Variants in USP24 observed in about 807,000 individuals in gnomAD.
USP24 encodes the protein ubiquitin specific peptidase 24, also known as ubiquitin carboxyl-terminal hydrolase 24.
USP24 carries 97 observed loss-of-function variants against 361.6 expected under a neutral mutation model. The observed-to-expected ratio is 0.27, with a 90% CI of 0.23 to 0.32. USP24 has a LOEUF of 0.32. Among genes scored for constraint, USP24 ranks in the 10% least tolerant of loss-of-function variants. The probability of loss-of-function intolerance (pLI) is 1.00; values close to 1 mark genes in which losing one functional copy is unlikely to be tolerated. For missense variants in USP24, 2,353 were observed against 3,165.6 expected (o/e 0.74, Z 6.16); for synonymous variants, 1,098 against 1,124.6 (o/e 0.98, Z 0.47).
intron 28 of USP24, 109 bp downstream of exon 28, chr1:55,137,406 C>T: frequency 7.7e-7 from 1 of 1,307,182 alleles, no homozygotes; most frequent in South Asian, 1.7e-5. Flanking sequence ...ACACAACAAG[C>T]TTGAACACTA....
At chr1:55,143,875 CA>C (rs1381178341) in intron 21 of USP24, among the ~76,000 whole-genome samples, 1 of 152,076 alleles carries the variant, frequency 6.6e-6, no homozygotes, top group African/African-American at 2.4e-5. Flanking sequence ...GTCCCTAGAT[CA>C]GCCAGAAACA....
intron 67 of USP24, chr1:55,071,343 GT>G (rs903451927): frequency 3.4e-5 from 33 of 980,110 alleles, no homozygotes; most frequent in South Asian, 2.8e-4. Flanking sequence ...TATTAAAGCT[GT>G]TTTTTTTTCT....
chr1:55,092,810 T>G lies in USP24; in HGVS notation c.6450+11A>C. The stretch of plus-strand genomic sequence containing the variant: ...CCTTTCTTATTTCTAACAATCCAGT[T>G]AGTTACTTACAGCATTCAATGAAGC... On this transcript the variant is annotated intron_variant, in intron 53 of 67. Coordinates refer to ENST00000294383, the MANE Select transcript of USP24 (RefSeq NM_015306.3). 6.5e-7 allele frequency: 1 copy of G among 1,531,504 alleles called. No homozygotes were observed. The highest frequency in any genetic ancestry group is 8.9e-7 in the Non-Finnish European group (1 of 1,121,656). 94.9% of individuals were successfully genotyped at this position (1,531,504 alleles called of 1,614,324 possible). A position where few individuals can be genotyped will look rare whatever the true frequency, so the allele number is the denominator to read the frequency against.
intron 36 of USP24, among the ~76,000 whole-genome samples, chr1:55,122,463 G>A (rs185404810): frequency 4.6e-5 from 7 of 152,250 alleles, no homozygotes; most frequent in Admixed American, 1.3e-4. Context: ...GAACTGAGAA[G>A]CCACCGGAAG....
At chr1:55,166,105 T>A (rs1648824279) in intron 6 of USP24, among the ~76,000 whole-genome samples, 155 bp from the exon 7 acceptor site, 1 of 151,704 alleles carries the variant, frequency 6.6e-6, no homozygotes, top group Admixed American at 6.6e-5. Context: ...TCATGGAGAA[T>A]GGGGTTTCCA....
At chr1:55,192,518 C>T (rs1388169130) in intron 1 of USP24, among the ~76,000 whole-genome samples, 1 of 152,162 alleles carries the variant, frequency 6.6e-6, no homozygotes, top group Non-Finnish European at 1.5e-5. Flanking sequence ...TGATTTTAAA[C>T]AGATTTGTCT....
intron 16 of USP24, among the ~76,000 whole-genome samples, chr1:55,150,166 G>T (rs1314069830): frequency 6.6e-6 from 1 of 152,112 alleles, no homozygotes; most frequent in Non-Finnish European, 1.5e-5. Context: ...TCATCAACAT[G>T]CCTCAAAATT....
chr1:55,143,162 T>G, intron 21 of USP24, 43 bp from the exon 22 acceptor site: 2 of 1,374,278 alleles, frequency 1.5e-6, no homozygotes, highest in Non-Finnish European at 1.9e-6. Context: ...CATATCAAGA[T>G]CACAAAGTTA....
At chr1:55,169,838 T>C (rs1419653159) in intron 5 of USP24, among the ~76,000 whole-genome samples, 2 of 152,144 alleles carry the variant, frequency 1.3e-5, no homozygotes, top group Non-Finnish European at 2.9e-5. Flanking sequence ...CTATCAACTT[T>C]ACCGGGTAAA....
chr1:55,147,705 C>T lies in USP24; in HGVS notation c.2062G>A (p.Gly688Arg), dbSNP rs1457866291. The T allele has an allele frequency of 5.0e-6, 8 of 1,611,750 alleles. No homozygotes were observed. Among genetic ancestry groups the T allele is most frequent in the East Asian group, 4.5e-5 (2 of 44,668 alleles). ...ACHRLAAAVA[G>R]PGGLSGSTLV... ...GTCGAGCCACTTAAGCCTCCAGGCC[C>T]GGCCACAGCAGCTGCAAGCCGATGA... The change falls in exon 18 of 68, where the codon GGG becomes AGG. Residue 688 changes from glycine (G) to arginine (R), a missense_variant. Around this residue, in one of 8 missense-constraint regions of USP24, gnomAD observed 949 missense variants for 1,280.5 expected, o/e 0.74. Coordinates refer to ENST00000294383, the MANE Select transcript of USP24 (RefSeq NM_015306.3).
intron 1 of USP24, among the ~76,000 whole-genome samples, chr1:55,183,000 T>G (rs916422211): frequency 1.3e-5 from 2 of 152,146 alleles, no homozygotes; most frequent in African/African-American, 4.8e-5. Context: ...ATTACAGGTG[T>G]GAGCCACCGT....
rs189476237 is a variant in USP24 at position 55,193,922 on chromosome 1, T to G, written c.325-15790A>C. Among the ~76,000 whole-genome samples the G allele has an allele frequency of 3.9e-5, 6 of 152,250 alleles. No homozygotes were observed. The East Asian group carries it at 1.2e-3, about 29-fold the overall frequency. On this transcript the variant is annotated intron_variant, in intron 1 of 67. Transcript: ENST00000294383. ...ATGCGTTCAGACTGAAATAAAAATT[T>G]AAGTCAAGGTTTCTCCAAATCTCAG...
At chr1:55,083,657 T>C in intron 57 of USP24, 115 bp downstream of exon 57, 1 of 828,176 alleles carries the variant, frequency 1.2e-6, no homozygotes, top group Non-Finnish European at 1.9e-6. Flanking sequence ...ACAAGATTTT[T>C]AGGAAGAAAC....
chr1:55,140,501 A>T (rs1483675917), intron 24 of USP24, among the ~76,000 whole-genome samples: 1 of 152,210 alleles, frequency 6.6e-6, no homozygotes, highest in Non-Finnish European at 1.5e-5. Context: ...CCATTTAAAA[A>T]AGAAGTCTGA....
chr1:55,105,381 T>C (rs1237951608), intron 41 of USP24, among the ~76,000 whole-genome samples: 1 of 152,188 alleles, frequency 6.6e-6, no homozygotes, highest in Non-Finnish European at 1.5e-5. Context: ...TAGAGAAATA[T>C]TTATATGTGA....
Position 55,132,833 on chromosome 1 carries a change from A to C in USP24, c.3382-133T>G, listed in dbSNP as rs142669279. 7.1e-5 allele frequency: 60 copies of C among 840,384 alleles called. No individual in the cohort carries two copies. The East Asian group carries it at 1.2e-3, about 17-fold the overall frequency. The allele number at this position is 840,384 out of a possible 1,614,324, so 52.1% of individuals were successfully genotyped here. A position where few individuals can be genotyped will look rare whatever the true frequency, so the allele number is the denominator to read the frequency against. The stretch of plus-strand genomic sequence containing the variant: ...CACCAATGCTATTTTCTAAAAATTA[A>C]CTTCATAAAACCACATCACTCCGTA... On this transcript the variant is annotated intron_variant, in intron 30 of 67. Coordinates refer to ENST00000294383, the MANE Select transcript of USP24 (RefSeq NM_015306.3).
At position 55,134,369 on chromosome 1, in the gene USP24, T is replaced by C. The variant is rs778840853; in HGVS notation, c.3246A>G (p.Val1082=). 13 of 1,613,010 alleles carry C rather than the reference T, an allele frequency of 8.1e-6. No homozygotes were observed. Among genetic ancestry groups the C allele is most frequent in the South Asian group, 5.5e-5 (5 of 90,986 alleles). ...TGGCGAGCTGATAAAGCATGTCAAA[T>C]ACGTTACATACGAGAGCCATCACTA... ...PGVVMALVCN[V]FDMLYQLANL... The change falls in exon 29 of 68, where the codon GTA becomes GTG. Residue 1082 remains valine (V), a synonymous_variant. Coordinates refer to ENST00000294383, the MANE Select transcript of USP24 (RefSeq NM_015306.3).
Position 55,137,721 on chromosome 1 carries a change from A to G in USP24, c.3028-33T>C, listed in dbSNP as rs781070077. On this transcript the variant is annotated intron_variant, in intron 27 of 67. Transcript: ENST00000294383. ...AAGTGGTTTCTTAATTATTGAGAGGAAAAGGAAGAGGAAATTATTCATATC... is the reference window on the plus strand; with the variant it reads ...AAGTGGTTTCTTAATTATTGAGAGGGAAAGGAAGAGGAAATTATTCATATC... The G allele has an allele frequency of 1.1e-4, 180 of 1,595,342 alleles. No individual in the cohort carries two copies. The Admixed American group carries it at 3.1e-3, about 28-fold the overall frequency.
chr1:55,073,899 C>A lies in USP24; in HGVS notation c.7455G>T (p.Met2485Ile). ...FETENGLLAL[M>I]HHSNHVDSSR... ...TACTGTCCACATGATTACTGTGGTG[C>A]ATCAAAGCTGAGGGAAGAGAAAAGG... The change falls in exon 64 of 68, where the codon ATG becomes ATT. Residue 2485 changes from methionine to isoleucine, a missense_variant. Physicochemically the swap from Met to Ile is conservative, Grantham distance 10. Transcript: ENST00000294383. 1 of 1,573,308 alleles carries A rather than the reference C, an allele frequency of 6.4e-7. No homozygotes were observed. The highest frequency in any genetic ancestry group is 8.6e-7 in the Non-Finnish European group (1 of 1,158,472).
Sources: allele counts gnomAD v4.1 joint callset (sites outside exome capture counted in the v4.1 genomes callset), GRCh38; gene constraint gnomAD v4.1.1; regional missense constraint gnomAD v4.1.1; transcripts MANE v1.5; gene names NCBI Gene and HGNC (gene_info 2026-07-23, HGNC 2026-07-21).